FHL2: variants seen among roughly 807,000 people sequenced by gnomAD.
FHL2 encodes four and a half LIM domains protein 2.
FHL2 carries 20 observed loss-of-function variants against 32.7 expected under a neutral mutation model. The observed-to-expected ratio is 0.61, with a 90% CI of 0.43 to 0.89. The LOEUF (loss-of-function observed/expected upper bound fraction) is 0.89, where lower values mean the gene tolerates loss of function less well. FHL2 is among the 40% of genes least tolerant of loss of function. FHL2 has a pLI of 0.00. For synonymous variants in FHL2, 123 were observed against 128.1 expected, an observed-to-expected ratio of 0.96 and a Z score of 0.27; for missense variants, 311 against 358.6, an observed-to-expected ratio of 0.87 and a Z score of 1.07.
intron 1 of FHL2, among the ~76,000 whole-genome samples, chr2:105,422,166 T>C (rs969154763): frequency 2.5e-4 from 38 of 152,204 alleles, no homozygotes; most frequent in South Asian, 4.1e-4. Context: ...AAGAAACAGC[T>C]GTTTGGCTTG....
At chr2:105,433,381 C>T (rs571684870) in intron 1 of FHL2, among the ~76,000 whole-genome samples, 13 of 152,180 alleles carry the variant, frequency 8.5e-5, no homozygotes, top group South Asian at 2.1e-4. Context: ...AGGGTTTCCC[C>T]GTGCTGGCCA....
chr2:105,362,928 C>G (rs1329350932), intron 6 of FHL2: 2 of 226,974 alleles, frequency 8.8e-6, no homozygotes, highest in East Asian at 2.3e-4. Context: ...CTAGGGGACA[C>G]TTCTAAGAAC....
At chr2:105,406,452 T>C (rs1683632518) in intron 1 of FHL2, among the ~76,000 whole-genome samples, 1 of 94,290 alleles carries the variant, frequency 1.1e-5, no homozygotes, top group Non-Finnish European at 2.2e-5. Context: ...GGCTTTTTCT[T>C]ATCTTTTTTT....
At chr2:105,402,437 G>A (rs889138733), upstream of FHL2, among the ~76,000 whole-genome samples, 2 of 151,960 alleles carry the variant, frequency 1.3e-5, no homozygotes, top group African/African-American at 4.8e-5. Context: ...TAGTAGACAC[G>A]AGGTTTCATC....
upstream of FHL2, chr2:105,399,145 G>A: frequency 1.5e-6 from 2 of 1,366,378 alleles, no homozygotes; most frequent in Non-Finnish European, 1.9e-6. Flanking sequence ...ACCGGGCGTG[G>A]GGCGCGGGGG....
chr2:105,411,397 A>G (rs1683783773), intron 1 of FHL2, among the ~76,000 whole-genome samples: 1 of 151,530 alleles, frequency 6.6e-6, no homozygotes, highest in Non-Finnish European at 1.5e-5. Flanking sequence ...ATAATGTACA[A>G]TTTTTTTTTC....
chr2:105,363,994 C>A (rs1680463364), intron 5 of FHL2, among the ~76,000 whole-genome samples: 1 of 152,202 alleles, frequency 6.6e-6, no homozygotes, highest in Non-Finnish European at 1.5e-5. Flanking sequence ...TGGTGGCTCA[C>A]ACCTGTAATC....
intron 1 of FHL2, among the ~76,000 whole-genome samples, chr2:105,435,524 G>A (rs1035956395): frequency 1.3e-5 from 2 of 152,110 alleles, no homozygotes; most frequent in African/African-American, 2.4e-5. Flanking sequence ...TCCCATAGCC[G>A]CTTCAGATAC....
chr2:105,406,239 C>T (rs1025561609), intron 1 of FHL2, among the ~76,000 whole-genome samples: 5 of 151,940 alleles, frequency 3.3e-5, no homozygotes, highest in Middle Eastern at 3.2e-3. Context: ...GACTGTTTGG[C>T]AAAAATAAAA....
upstream of FHL2, among the ~76,000 whole-genome samples, chr2:105,400,135 G>C (rs755503981): frequency 2.0e-4 from 31 of 152,118 alleles, no homozygotes; most frequent in Admixed American, 3.3e-4. Flanking sequence ...ACTCCTTTAA[G>C]GTAAAGATTT....
chr2:105,403,813 T>G (rs777564567), upstream of FHL2, among the ~76,000 whole-genome samples: 9 of 152,228 alleles, frequency 5.9e-5, no homozygotes, highest in Non-Finnish European at 1.3e-4. Context: ...TAAAATCCAG[T>G]TGGAAGTATT....
At chr2:105,415,633 G>A (rs919160528) in intron 1 of FHL2, among the ~76,000 whole-genome samples, 2 of 152,176 alleles carry the variant, frequency 1.3e-5, no homozygotes, top group Non-Finnish European at 2.9e-5. Flanking sequence ...TTGCAAGAAC[G>A]AAAACCGTGT....
chr2:105,426,576 T>C (rs1256083901), intron 1 of FHL2, among the ~76,000 whole-genome samples: 1 of 152,192 alleles, frequency 6.6e-6, no homozygotes, highest in Non-Finnish European at 1.5e-5. Context: ...GCCTTTGATG[T>C]GAGGGCTCCC....
intron 4 of FHL2, among the ~76,000 whole-genome samples, chr2:105,368,739 A>G (rs996403785): frequency 1.3e-5 from 2 of 152,220 alleles, no homozygotes; most frequent in Non-Finnish European, 2.9e-5. Flanking sequence ...AAGTGTATCT[A>G]TTTATAGTAA....
intron 5 of FHL2, 119 bp downstream of exon 5, chr2:105,367,451 A>T: frequency 9.8e-7 from 1 of 1,019,468 alleles, no homozygotes; most frequent in Non-Finnish European, 1.5e-6. Context: ...GGACAGGCAC[A>T]GCTCCCACGC....
At chr2:105,430,936 C>G (rs1684413721) in intron 1 of FHL2, among the ~76,000 whole-genome samples, 1 of 152,222 alleles carries the variant, frequency 6.6e-6, no homozygotes, top group South Asian at 2.1e-4. Flanking sequence ...CCACTGTACA[C>G]TCTTCCTCGA....
At chr2:105,426,230 A>G (rs1255086348) in intron 1 of FHL2, among the ~76,000 whole-genome samples, 1 of 152,216 alleles carries the variant, frequency 6.6e-6, no homozygotes, top group Admixed American at 6.5e-5. Flanking sequence ...GGAAGTGAGA[A>G]GAAAAGAACT....
At chr2:105,413,661 A>G (rs1683857724) in intron 1 of FHL2, among the ~76,000 whole-genome samples, 1 of 152,038 alleles carries the variant, frequency 6.6e-6, no homozygotes, top group South Asian at 2.1e-4. Flanking sequence ...TTTTGTTTTT[A>G]TAGAGACAAG....
rs781170250 is a variant in FHL2, at chr2:105,386,445, C to G, written c.72G>C (p.Glu24Asp). Residue 24 changes from glutamate (E) to aspartate (D), a missense_variant, in exon 3 of 7, where the codon GAG (glutamate) becomes GAC (aspartate). Coordinates refer to ENST00000530340, the MANE Select transcript of FHL2 (RefSeq NM_001318895.3). ...LFGKKYILRE[E>D]SPYCVVCFET... Reference sequence around the variant, plus strand: ...CAAAGCACACCACGCAGTAGGGGCTCTCCTCCCGCAGGATGTACTTCTTGC... The same window carrying G: ...CAAAGCACACCACGCAGTAGGGGCTGTCCTCCCGCAGGATGTACTTCTTGC... 4 of 1,614,246 alleles carry G rather than the reference C, an allele frequency of 2.5e-6. No individual in the cohort carries two copies. In the South Asian group the frequency reaches 4.4e-5, roughly 18 times the overall value.
Sources: allele counts gnomAD v4.1 joint callset (sites outside exome capture counted in the v4.1 genomes callset), GRCh38; gene constraint gnomAD v4.1.1; transcripts MANE v1.5; gene names NCBI Gene and HGNC (gene_info 2026-07-23, HGNC 2026-07-21).